The following CCDC186 variants were observed in gnomAD, a reference collection of about 807,000 sequenced individuals.
CCDC186 encodes the protein coiled-coil domain containing 186, also known as coiled-coil domain-containing protein 186.
Under a neutral mutation model 113.7 loss-of-function variants are expected in CCDC186, and 49 were observed. That is an observed-to-expected ratio of 0.43 (90% CI 0.34 to 0.55). CCDC186 has a LOEUF of 0.55. Ranked by LOEUF, CCDC186 falls within the 20% of genes least tolerant of loss-of-function variation. The probability of loss-of-function intolerance (pLI) is 0.02; values close to 1 mark genes in which losing one functional copy is unlikely to be tolerated. For missense variants in CCDC186, 890 were observed against 1,011.1 expected (o/e 0.88, Z 1.62); for synonymous variants, 355 against 345.8 (o/e 1.03, Z -0.30).
chr10:114,173,393 T>C (rs1055021292), intron 1 of CCDC186: 1 of 316,214 alleles, frequency 3.2e-6, no homozygotes, highest in African/African-American at 2.2e-5. Context: ...TGTTTTGTTT[T>C]TGCCATTTTT....
intron 4 of CCDC186, among the ~76,000 whole-genome samples, chr10:114,149,754 CAGGAAGGA>C (rs1182536298): frequency 1.7e-5 from 1 of 60,592 alleles, no homozygotes; most frequent in African/African-American, 5.3e-5. Context: ...GGCAGGAAGG[CAGGAAGGA>C]AGGAAGGAAG....
At chr10:114,155,847 C>G (rs1486532781) in intron 3 of CCDC186, among the ~76,000 whole-genome samples, 1 of 152,150 alleles carries the variant, frequency 6.6e-6, no homozygotes, top group Non-Finnish European at 1.5e-5. Flanking sequence ...TTTACACTTA[C>G]AGCACCTCTC....
At chr10:114,162,093 T>C (rs1455074600) in intron 2 of CCDC186, 1 of 152,242 alleles carries the variant, frequency 6.6e-6, no homozygotes, top group African/African-American at 2.4e-5. Flanking sequence ...TTCTGCAGAT[T>C]GGTTGTCCAA....
At chr10:114,133,182 G>A (rs2031146792) in intron 10 of CCDC186, among the ~76,000 whole-genome samples, 1 of 152,186 alleles carries the variant, frequency 6.6e-6, no homozygotes, top group African/African-American at 2.4e-5. Context: ...TAATAGCTTG[G>A]ACTATGGTAG....
At position 114,172,620 on chromosome 10, in the gene CCDC186, G is replaced by A. The variant is rs577188133; in HGVS notation, c.-62+1395C>T. ...CCTTTAAAAAACAAACACAATCCAT[G>A]CATTTCCAGGGAGAATCTTCAGTAA... On this transcript the variant is annotated intron_variant, in intron 1 of 15. Coordinates refer to ENST00000369287, the MANE Select transcript of CCDC186 (RefSeq NM_018017.4). Among the ~76,000 whole-genome samples, 86 of 152,276 alleles carry A rather than the reference G, an allele frequency of 5.6e-4. 1 individual carries two copies. Among genetic ancestry groups the A allele is most frequent in the African/African-American group, 2.0e-3 (84 of 41,558 alleles).
intron 5 of CCDC186, 71 bp from the exon 6 acceptor site, chr10:114,144,687 C>T (rs2031582636): frequency 4.5e-6 from 6 of 1,344,046 alleles, no homozygotes; most frequent in Admixed American, 4.3e-5. Flanking sequence ...ATATTCCCCA[C>T]AAAGTAATCA....
intron 14 of CCDC186, 117 bp from the exon 15 acceptor site, chr10:114,126,222 AC>A: frequency 1.2e-5 from 9 of 725,428 alleles, no homozygotes; most frequent in Non-Finnish European, 1.8e-5. Context: ...TAATAACCTA[AC>A]TATATTAGAA....
At chr10:114,159,518 C>A (rs1420248122) in intron 2 of CCDC186, among the ~76,000 whole-genome samples, 1 of 151,664 alleles carries the variant, frequency 6.6e-6, no homozygotes, top group Admixed American at 6.6e-5. Context: ...TAGGGCGTGC[C>A]TGTAGTCCCA....
chr10:114,168,723 G>A (rs567097945), intron 1 of CCDC186, among the ~76,000 whole-genome samples: 1 of 152,208 alleles, frequency 6.6e-6, no homozygotes, highest in South Asian at 2.1e-4. Context: ...AATTTTCAGG[G>A]AGATTGGTTT....
intron 3 of CCDC186, among the ~76,000 whole-genome samples, chr10:114,155,633 C>T (rs963518840): frequency 6.6e-6 from 1 of 152,076 alleles, no homozygotes; most frequent in African/African-American, 2.4e-5. Flanking sequence ...CGAGATCGCG[C>T]CATTGCACCC....
At chr10:114,173,907 G>A (rs2032614045) in intron 1 of CCDC186, 108 bp downstream of exon 1, 2 of 402,266 alleles carry the variant, frequency 5.0e-6, no homozygotes, top group South Asian at 1.7e-5. Flanking sequence ...CCTCGCACTC[G>A]CCCTCGCCCC....
chr10:114,138,050 AAAAAAAAAAAAAAAAAAAAAAAAT>A (rs1480388556), intron 6 of CCDC186, among the ~76,000 whole-genome samples: 942 of 74,028 alleles, frequency 0.013, 17 homozygotes, highest in Non-Finnish European at 0.019. Context: ...AAAAAAAAAA[AAAAAAAAAAAAAAAAAAAAAAAAT>A]AAAAAAAATA....
rs574705687 is a variant in CCDC186, at chr10:114,159,494, T to G, written c.633-1814A>C. The stretch of plus-strand genomic sequence containing the variant: ...CCCGTCTCTACTAAAAATACAAAAA[T>G]TAGCTGGGTGTGGTAGGGCGTGCCT... On this transcript the variant is annotated intron_variant, in intron 2 of 15. Coordinates refer to ENST00000369287, the MANE Select transcript of CCDC186 (RefSeq NM_018017.4). Among the ~76,000 whole-genome samples the G allele has an allele frequency of 6.6e-5, 10 of 151,646 alleles. No homozygotes were observed. In the East Asian group the frequency reaches 1.9e-3, roughly 29 times the overall value.
rs1238736383 is a variant in CCDC186 at position 114,162,795 on chromosome 10, T to C, written c.474A>G (p.Ala158=). 1.9e-6 allele frequency: 3 copies of C among 1,613,864 alleles called. No homozygotes were observed. Among genetic ancestry groups the C allele is most frequent in the South Asian group, 2.2e-5 (2 of 91,050 alleles). The change falls in exon 2 of 16, where the codon GCA becomes GCG. Residue 158 remains alanine (A), a synonymous_variant. Coordinates refer to ENST00000369287, the MANE Select transcript of CCDC186 (RefSeq NM_018017.4). Reference sequence around the variant, plus strand: ...CTATTTCTTCCAACAAATCCTCTGATGCTGAAACGCTCTTTATTTTTGAAA... The same window carrying C: ...CTATTTCTTCCAACAAATCCTCTGACGCTGAAACGCTCTTTATTTTTGAAA... ...KFISKIKSVS[A]SEDLLEEIES...
intron 11 of CCDC186, among the ~76,000 whole-genome samples, 171 bp from the exon 12 acceptor site, chr10:114,131,507 A>T (rs568614777): frequency 1.3e-5 from 2 of 152,256 alleles, no homozygotes; most frequent in Non-Finnish European, 2.9e-5. Flanking sequence ...ATAGAAAAGC[A>T]GGGGGATACA....
chr10:114,145,267 T>C (rs2031598617), intron 5 of CCDC186, among the ~76,000 whole-genome samples: 1 of 152,148 alleles, frequency 6.6e-6, no homozygotes. Flanking sequence ...TTCTCCAACA[T>C]ACAGATTTTA....
chr10:114,129,920 CTGACT>C lies in CCDC186; in HGVS notation c.2148_2152del (p.Val717GlnfsTer7). ...TGAACTAGAACGACTTCCCATGCTG[CTGACT>C]TCTTTGTCATAGCTTCCACTCTCAA... On this transcript the variant is annotated frameshift_variant, in exon 13 of 16. Transcript: ENST00000369287. LOFTEE classifies it high-confidence loss of function. The C allele has an allele frequency of 1.9e-6, 3 of 1,613,648 alleles. No individual in the cohort carries two copies. The highest frequency in any genetic ancestry group is 2.5e-6 in the Non-Finnish European group (3 of 1,179,720).
chr10:114,164,062 TAG>T (rs1491130198), intron 1 of CCDC186, among the ~76,000 whole-genome samples: 40 of 116,378 alleles, frequency 3.4e-4, no homozygotes, highest in African/African-American at 1.3e-3. Context: ...TTGACCAAGT[TAG>T]AGTGTGTGTG....
intron 10 of CCDC186, among the ~76,000 whole-genome samples, chr10:114,134,073 C>T (rs2031178034): frequency 6.6e-6 from 1 of 152,092 alleles, no homozygotes; most frequent in South Asian, 2.1e-4. Context: ...GAGTTTCTTC[C>T]ATGATAACAA....
Sources: gnomAD v4.1 joint callset for allele counts (sites outside exome capture counted in the v4.1 genomes callset) on GRCh38, gnomAD v4.1.1 for gene constraint, MANE v1.5 for transcripts, NCBI Gene and HGNC (gene_info 2026-07-23, HGNC 2026-07-21) for gene names.